Variants in RB1 observed in about 807,000 individuals in gnomAD.
The protein encoded by RB1 is RB transcriptional corepressor 1.
RB1 carries 18 observed loss-of-function variants against 135.4 expected under a neutral mutation model. The ratio of observed to expected loss-of-function variants is 0.13; its 90% CI spans 0.09 to 0.20. RB1 has a LOEUF of 0.20. Among genes scored for constraint, RB1 ranks in the 10% least tolerant of loss-of-function variants. The pLI, the probability that RB1 is intolerant of heterozygous loss-of-function variation, is 1.00. For missense variants in RB1, 868 were observed against 1,110.0 expected, an observed-to-expected ratio of 0.78 and a Z score of 3.10; for synonymous variants, 365 against 373.2, an observed-to-expected ratio of 0.98 and a Z score of 0.25.
chr13:48,322,856 G>C (rs1420225147), intron 2 of RB1, among the ~76,000 whole-genome samples: 4 of 152,060 alleles, frequency 2.6e-5, no homozygotes, highest in African/African-American at 9.7e-5. Context: ...TGCATCTCTG[G>C]AATAAGTCCC....
chr13:48,366,619 C>A (rs1029504039), intron 9 of RB1, among the ~76,000 whole-genome samples: 5 of 152,046 alleles, frequency 3.3e-5, no homozygotes, highest in Non-Finnish European at 7.4e-5. Flanking sequence ...TTTACAAATT[C>A]TAGCAATTGA....
chr13:48,316,984 T>C, intron 2 of RB1: 1 of 461,556 alleles, frequency 2.2e-6, no homozygotes, highest in Non-Finnish European at 3.9e-6. Flanking sequence ...TCGATGACCC[T>C]TCGTCAATAC....
At position 48,402,392 on chromosome 13, in the gene RB1, T is replaced by TTTTTTTTTA. The variant is rs56707206; in HGVS notation, c.1695+20949_1695+20950insTTTTTTTTA. ...CTTGTAGAAAACCTTTTTTTTTTTT[T>TTTTTTTTTA]AAACAGATGAGTCTCACTCTGTTTT... is the stretch of plus-strand genomic sequence containing the variant. On this transcript the variant is annotated intron_variant, in intron 17 of 26. Transcript: ENST00000267163. 3.3e-5 allele frequency among the ~76,000 whole-genome samples: 5 copies of TTTTTTTTTA among 150,618 alleles called. No homozygotes were observed. In the East Asian group the frequency reaches 5.8e-4, roughly 18 times the overall value.
At position 48,465,254 on chromosome 13, in the gene RB1, T is replaced by C. The variant is rs2138345676; in HGVS notation, c.2375T>C (p.Phe792Ser). Residue 792 changes from phenylalanine (F) to serine (S), a missense_variant, in exon 23 of 27, where the codon TTT (phenylalanine) becomes TCT (serine). Transcript: ENST00000267163. ...CACATTCCTCGAAGCCCTTACAAGT[T>C]TCCTAGTTCACCCTTACGGATTCCT... ...IPHIPRSPYK[F>S]PSSPLRIPGG... 4 of 1,613,932 alleles carry C rather than the reference T, an allele frequency of 2.5e-6. No individual in the cohort carries two copies. Among genetic ancestry groups the C allele is most frequent in the Non-Finnish European group, 3.4e-6 (4 of 1,179,830 alleles).
rs2138345892 is a variant in RB1 at position 48,465,291 on chromosome 13, C to G, written c.2412C>G (p.Ile804Met). Reference sequence around the variant, plus strand: ...CCTTACGGATTCCTGGAGGGAACATCTATATTTCACCCCTGAAGAGTCCAT... The same window carrying G: ...CCTTACGGATTCCTGGAGGGAACATGTATATTTCACCCCTGAAGAGTCCAT... ...SSPLRIPGGN[I>M]YISPLKSPYK... The change falls in exon 23 of 27, where the codon ATC becomes ATG. Residue 804 changes from isoleucine (I) to methionine (M), a missense_variant. Coordinates refer to ENST00000267163, the MANE Select transcript of RB1 (RefSeq NM_000321.3). 1 of 1,611,128 alleles carries G rather than the reference C, an allele frequency of 6.2e-7. No individual in the cohort carries two copies. The highest frequency in any genetic ancestry group is 1.3e-5 in the African/African-American group (1 of 74,942).
At position 48,381,329 on chromosome 13, in the gene RB1, T is replaced by A. The variant is rs1336947639; in HGVS notation, c.1581T>A (p.Asp527Glu). Reference protein sequence around the residue: ...ILNVLNLKAFDFYKVIESFIK... With the variant: ...ILNVLNLKAFEFYKVIESFIK... Reference sequence around the variant, plus strand: ...ATGTGCTTAATTTAAAAGCCTTTGATTTTTACAAAGTGATCGAAAGTTTTA... The same window carrying A: ...ATGTGCTTAATTTAAAAGCCTTTGAATTTTACAAAGTGATCGAAAGTTTTA... Residue 527 changes from aspartate to glutamate, a missense_variant, in exon 17 of 27, where the codon GAT (aspartate) becomes GAA (glutamate). Transcript: ENST00000267163. 1.2e-6 allele frequency: 2 copies of A among 1,612,330 alleles called. No homozygotes were observed. Among genetic ancestry groups the A allele is most frequent in the Non-Finnish European group, 1.7e-6 (2 of 1,179,278 alleles).
At chr13:48,360,835 A>T (rs1055900549) in intron 7 of RB1, 1 of 152,088 alleles carries the variant, frequency 6.6e-6, no homozygotes, top group Non-Finnish European at 1.5e-5. Flanking sequence ...GAAAAATGTA[A>T]ACTTACTTAA....
intron 3 of RB1, 62 bp downstream of exon 3, chr13:48,342,776 T>C: frequency 7.6e-6 from 9 of 1,177,646 alleles, no homozygotes; most frequent in Non-Finnish European, 1.1e-5. Flanking sequence ...TGGATTTTCC[T>C]CTCAATAGAC....
chr13:48,356,735 T>A (rs1593441726), intron 6 of RB1, among the ~76,000 whole-genome samples: 1 of 152,090 alleles, frequency 6.6e-6, no homozygotes, highest in South Asian at 2.1e-4. Flanking sequence ...TCCTATATCA[T>A]AGTTTCTCCA....
chr13:48,356,251 T>C (rs1952590410), intron 6 of RB1, among the ~76,000 whole-genome samples: 1 of 152,058 alleles, frequency 6.6e-6, no homozygotes, highest in Non-Finnish European at 1.5e-5. Flanking sequence ...TATCTTCATA[T>C]ATACATTTTG....
intron 6 of RB1, among the ~76,000 whole-genome samples, chr13:48,352,186 T>G (rs1952554276): frequency 6.6e-6 from 1 of 152,142 alleles, no homozygotes; most frequent in Non-Finnish European, 1.5e-5. Context: ...TCTGTTCCAT[T>G]GGTTTACATT....
chr13:48,476,512 G>A (rs550541072), intron 24 of RB1, 189 bp from the exon 25 acceptor site: 23 of 567,634 alleles, frequency 4.1e-5, no homozygotes, highest in South Asian at 2.0e-4. Context: ...TTTAATTGGG[G>A]ATGGAATTAG....
intron 3 of RB1, 152 bp downstream of exon 3, chr13:48,342,866 T>C (rs1952459901): frequency 3.2e-6 from 2 of 624,042 alleles, no homozygotes; most frequent in African/African-American, 3.7e-5. Context: ...CATTCTCTCA[T>C]GGAGCCGTTA....
Position 48,453,069 on chromosome 13 carries a change from C to A in RB1, c.1772C>A (p.Pro591His). The change falls in exon 18 of 27, where the codon CCT (proline) becomes CAT (histidine). Residue 591 changes from proline (P) to histidine (H), a missense_variant. This residue lies in a region of RB1 where 641 missense variants were observed against 791.3 expected (regional missense o/e 0.81). Coordinates refer to ENST00000267163, the MANE Select transcript of RB1 (RefSeq NM_000321.3). ...GPTDHLESAC[P>H]LNLPLQNNHT... ...ACTGATCACCTTGAATCTGCTTGTC[C>A]TCTTAATCTTCCTCTCCAGAATAAT... 3 of 1,613,084 alleles carry A rather than the reference C, an allele frequency of 1.9e-6. No homozygotes were observed. Among genetic ancestry groups the A allele is most frequent in the Non-Finnish European group, 2.5e-6 (3 of 1,179,656 alleles).
chr13:48,411,474 G>A (rs1370718071), intron 17 of RB1: 5 of 1,613,020 alleles, frequency 3.1e-6, no homozygotes, highest in African/African-American at 1.3e-5. Flanking sequence ...ATGAACTTCA[G>A]AGAATCTGAA....
At chr13:48,422,375 G>T (rs756360021) in intron 17 of RB1, among the ~76,000 whole-genome samples, 1 of 152,092 alleles carries the variant, frequency 6.6e-6, no homozygotes, top group Non-Finnish European at 1.5e-5. Context: ...CGGGGTTGGG[G>T]GTTAGAGGAG....
chr13:48,447,960 A>G (rs2138321041), intron 17 of RB1, among the ~76,000 whole-genome samples: 1 of 152,274 alleles, frequency 6.6e-6, no homozygotes, highest in East Asian at 1.9e-4. Context: ...CTCATATCTG[A>G]AAGGTATCTA....
chr13:48,443,055 C>T lies in RB1; in HGVS notation c.1696-9938C>T, dbSNP rs75658264. On this transcript the variant is annotated intron_variant, in intron 17 of 26. Transcript: ENST00000267163. ...TTTTAAGACATTTAATTAATAAATCCATTTGAAACACATTTTAAAATGTGT... is the reference window on the plus strand; with the variant it reads ...TTTTAAGACATTTAATTAATAAATCTATTTGAAACACATTTTAAAATGTGT... Among the ~76,000 whole-genome samples the T allele has an allele frequency of 3.1e-3, 464 of 151,586 alleles. 5 individuals carry two copies. The highest frequency in any genetic ancestry group is 0.011 in the African/African-American group (443 of 41,336).
chr13:48,481,260 T>A lies in RB1; in HGVS notation c.*1189T>A. 4.3e-6 allele frequency: 1 copy of A among 232,126 alleles called. No homozygotes were observed. The highest frequency in any genetic ancestry group is 8.5e-6 in the Non-Finnish European group (1 of 117,144). 14.4% of individuals were successfully genotyped at this position (232,126 alleles called of 1,614,324 possible). On this transcript the variant is annotated 3_prime_UTR_variant, in exon 27 of 27. Coordinates refer to ENST00000267163, the MANE Select transcript of RB1 (RefSeq NM_000321.3). ...GTCCAAAATTACAAGTAATCAAGGG[T>A]CATTATGGGTTAGGCATTAATGTTT...
Sources: gnomAD v4.1 joint callset for allele counts (sites outside exome capture counted in the v4.1 genomes callset) on GRCh38, gnomAD v4.1.1 for gene constraint, gnomAD v4.1.1 regional missense constraint, MANE v1.5 for transcripts, NCBI Gene and HGNC (gene_info 2026-07-23, HGNC 2026-07-21) for gene names.